Variants in NTRK3 observed in about 807,000 individuals in gnomAD.
The protein encoded by NTRK3 is NT-3 growth factor receptor.
A neutral mutation model predicts 91.7 loss-of-function variants in NTRK3; 24 were observed. The ratio of observed to expected loss-of-function variants is 0.26; its 90% CI spans 0.19 to 0.37. NTRK3 has a LOEUF of 0.37. NTRK3 is among the 10% of genes least tolerant of loss of function. The pLI is 1.00. For missense variants in NTRK3, 880 were observed against 1,068.9 expected (o/e 0.82, Z 2.46); for synonymous variants, 483 against 404.0 (o/e 1.20, Z -2.34).
At chr15:87,965,456 A>G (rs2072699571) in intron 14 of NTRK3, among the ~76,000 whole-genome samples, 1 of 152,174 alleles carries the variant, frequency 6.6e-6, no homozygotes, top group African/African-American at 2.4e-5. Flanking sequence ...AGAAAGCTGC[A>G]GATCCCCAGT....
intron 14 of NTRK3, among the ~76,000 whole-genome samples, chr15:87,997,959 G>T (rs2075822943): frequency 6.6e-6 from 1 of 152,148 alleles, no homozygotes; most frequent in Non-Finnish European, 1.5e-5. Context: ...TAAAACTTTT[G>T]TACCTTCTCC....
intron 17 of NTRK3, among the ~76,000 whole-genome samples, chr15:87,914,847 GC>G (rs1333474786): frequency 1.3e-5 from 2 of 152,250 alleles, no homozygotes; most frequent in Non-Finnish European, 2.9e-5. Flanking sequence ...GTGATGATTG[GC>G]AGAGTTGGAG....
rs200714994 is a variant in NTRK3, at chr15:88,232,185, C to CAG, written c.248+23720_248+23721insCT. On this transcript the variant is annotated intron_variant, in intron 3 of 18. Coordinates refer to ENST00000394480, the Ensembl canonical transcript of NTRK3. The stretch of plus-strand genomic sequence containing the variant: ...CGCCTGAAATGTCCTGCCTCACCTC[C>CAG]CTCTCTATCCAGGTCCTACCTGTAC... 2.9e-3 allele frequency among the ~76,000 whole-genome samples: 443 copies of CAG among 152,254 alleles called. 1 individual carries two copies. Among genetic ancestry groups the CAG allele is most frequent in the African/African-American group, 0.01 (430 of 41,536 alleles).
In NTRK3 at chr15:88,255,768, G is replaced by A. The variant is rs2053983087; in HGVS notation, c.248+138C>T. 1 of 633,896 alleles carries A rather than the reference G, an allele frequency of 1.6e-6. No individual in the cohort carries two copies. The allele number at this position is 633,896 out of a possible 1,614,324, so 39.3% of individuals were successfully genotyped here. Reference sequence around the variant, plus strand: ...GCCGGAGAGCATCTCCCGAGCCAGAGCGAGCCTGACGCGCGCCCAGCGGGC... The same window carrying A: ...GCCGGAGAGCATCTCCCGAGCCAGAACGAGCCTGACGCGCGCCCAGCGGGC... On this transcript the variant is annotated intron_variant, in intron 3 of 18. Transcript: ENST00000394480. The surrounding 1 kb of genome is among the most constrained non-coding windows in gnomAD (Gnocchi z 4.3).
At chr15:88,205,702 C>T (rs1396494913) in intron 3 of NTRK3, 1 of 152,232 alleles carries the variant, frequency 6.6e-6, no homozygotes, top group Non-Finnish European at 1.5e-5. Context: ...GGCCCCTACT[C>T]GTTCTCCAGG....
exon 2 of NTRK3, chr15:88,256,435 A>C: frequency 1.9e-6 from 1 of 537,606 alleles, no homozygotes; most frequent in South Asian, 2.6e-5. Context: ...GCGATCGCTG[A>C]CTCGCCGGGT....
chr15:87,981,341 G>A (rs1276454791), intron 14 of NTRK3: 6 of 1,612,058 alleles, frequency 3.7e-6, no homozygotes, highest in East Asian at 2.2e-5. Flanking sequence ...TCCCATGATT[G>A]TCTATGTTTG....
chr15:87,976,828 C>T (rs969860704), intron 14 of NTRK3, among the ~76,000 whole-genome samples: 1 of 152,196 alleles, frequency 6.6e-6, no homozygotes, highest in Admixed American at 6.5e-5. Context: ...TGGGCAAGGT[C>T]ACTTTCCCAA....
At chr15:87,903,833 C>T (rs2066594710) in intron 17 of NTRK3, among the ~76,000 whole-genome samples, 1 of 152,220 alleles carries the variant, frequency 6.6e-6, no homozygotes, top group Admixed American at 6.5e-5. Context: ...AATTTCAAAA[C>T]CATTAAACTA....
At chr15:88,089,888 G>C (rs1300173847) in intron 13 of NTRK3, among the ~76,000 whole-genome samples, 1 of 152,096 alleles carries the variant, frequency 6.6e-6, no homozygotes, top group Non-Finnish European at 1.5e-5. Flanking sequence ...CAGGGTCTTT[G>C]CCATAGCCTA....
chr15:88,070,377 C>T (rs960679787), intron 13 of NTRK3, among the ~76,000 whole-genome samples: 5 of 151,838 alleles, frequency 3.3e-5, no homozygotes, highest in Non-Finnish European at 5.9e-5. Flanking sequence ...CAAGCAGGGG[C>T]GGGCTACCCA....
At chr15:88,247,686 G>A (rs1000334697) in intron 3 of NTRK3, among the ~76,000 whole-genome samples, 1 of 152,184 alleles carries the variant, frequency 6.6e-6, no homozygotes, top group African/African-American at 2.4e-5. Flanking sequence ...CGATCATGAA[G>A]CAAGCTCACA....
intron 13 of NTRK3, among the ~76,000 whole-genome samples, chr15:88,119,696 G>A (rs1421330452): frequency 1.3e-5 from 2 of 152,126 alleles, no homozygotes; most frequent in Admixed American, 1.3e-4. Context: ...AAGTCAAGAA[G>A]GAAGAAAACG....
At chr15:87,912,934 A>ATATATATATATATG (rs2067195993) in intron 17 of NTRK3, among the ~76,000 whole-genome samples, 2 of 21,736 alleles carry the variant, frequency 9.2e-5, no homozygotes, top group African/African-American at 1.1e-3. Flanking sequence ...AAAAAAAAAT[A>ATATATATATATATG]TATATATATA....
At chr15:88,149,541 C>T (rs746751275) in intron 5 of NTRK3, among the ~76,000 whole-genome samples, 18 of 152,220 alleles carry the variant, frequency 1.2e-4, no homozygotes, top group Non-Finnish European at 2.4e-4. Context: ...ATCCATCATG[C>T]TCAGCTCCAC....
At chr15:88,104,362 C>G (rs1230844676) in intron 13 of NTRK3, among the ~76,000 whole-genome samples, 1 of 152,318 alleles carries the variant, frequency 6.6e-6, no homozygotes, top group South Asian at 2.1e-4. Context: ...AATGAAGATG[C>G]ACATTTCCTT....
chr15:87,886,677 T>TATATATATATATATATATATATATATAC (rs2065558413), intron 17 of NTRK3, among the ~76,000 whole-genome samples: 1 of 31,972 alleles, frequency 3.1e-5, no homozygotes, highest in Non-Finnish European at 7.6e-5. Flanking sequence ...CACTTTTTGC[T>TATATATATATATATATATATATATATAC]ATATATATAT....
At chr15:87,929,309 G>C (rs2068589206) in exon 17 of NTRK3, 4 of 1,614,084 alleles carry the variant, frequency 2.5e-6, no homozygotes, top group Non-Finnish European at 3.4e-6. Context: ...AAAGTGCTGG[G>C]AGGCCAGGTA....
chr15:88,225,864 G>C (rs1206139178), intron 3 of NTRK3, among the ~76,000 whole-genome samples: 1 of 152,156 alleles, frequency 6.6e-6, no homozygotes, highest in Non-Finnish European at 1.5e-5. Context: ...TCCCTTCCTG[G>C]GGGTCCGATA....
Sources: gnomAD v4.1 joint callset for allele counts (sites outside exome capture counted in the v4.1 genomes callset) on GRCh38, gnomAD v4.1.1 for gene constraint, Gnocchi (gnomAD v3.1) non-coding constraint, MANE v1.5 for transcripts, NCBI Gene and HGNC (gene_info 2026-07-23, HGNC 2026-07-21) for gene names.